The following DOCK2 variants were observed in gnomAD, a reference collection of about 807,000 sequenced individuals.
DOCK2 encodes dedicator of cytokinesis protein 2.
DOCK2 carries 87 observed loss-of-function variants against 248.9 expected under a neutral mutation model. The ratio of observed to expected loss-of-function variants is 0.35; its 90% CI spans 0.29 to 0.42. The LOEUF (loss-of-function observed/expected upper bound fraction) is 0.42. Ranked by LOEUF, DOCK2 falls within the 10% of genes least tolerant of loss-of-function variation. The probability of loss-of-function intolerance (pLI) is 1.00; values close to 1 mark genes in which losing one functional copy is unlikely to be tolerated. For synonymous variants in DOCK2, 805 were observed against 821.6 expected (o/e 0.98, Z 0.35); for missense variants, 1,747 against 2,300.2 (o/e 0.76, Z 4.92).
chr5:169,895,485 T>A (rs899945435), intron 27 of DOCK2, among the ~76,000 whole-genome samples: 4 of 152,026 alleles, frequency 2.6e-5, no homozygotes, highest in Non-Finnish European at 5.9e-5. Context: ...CTGAGTCTTC[T>A]CCCCTGCCCC....
intron 9 of DOCK2, among the ~76,000 whole-genome samples, chr5:169,693,537 G>C (rs1581045744): frequency 6.6e-6 from 1 of 152,184 alleles, no homozygotes; most frequent in East Asian, 1.9e-4. Context: ...GAGATTTCAG[G>C]ATGGTTTGGA....
intron 27 of DOCK2, among the ~76,000 whole-genome samples, chr5:169,966,170 A>G (rs1194798818): frequency 6.6e-6 from 1 of 152,242 alleles, no homozygotes; most frequent in East Asian, 1.9e-4. Flanking sequence ...TAGGAGCATA[A>G]TTGGTGGCTT....
chr5:169,647,426 C>A (rs555035039), intron 1 of DOCK2, among the ~76,000 whole-genome samples: 3 of 152,114 alleles, frequency 2.0e-5, no homozygotes, highest in African/African-American at 4.8e-5. Flanking sequence ...TTTCTGGTGG[C>A]CTTATAGGAT....
At chr5:169,897,714 G>C (rs760753076) in intron 27 of DOCK2, among the ~76,000 whole-genome samples, 1 of 152,182 alleles carries the variant, frequency 6.6e-6, no homozygotes, top group Non-Finnish European at 1.5e-5. Context: ...GACGGGGTGA[G>C]CTCCCTGTCC....
At chr5:169,804,166 T>C (rs1052465133) in intron 26 of DOCK2, among the ~76,000 whole-genome samples, 1 of 152,180 alleles carries the variant, frequency 6.6e-6, no homozygotes, top group Non-Finnish European at 1.5e-5. Context: ...TGCAGAGCAA[T>C]GTTCCTTTAC....
At chr5:169,932,065 G>A (rs1451727463) in intron 27 of DOCK2, among the ~76,000 whole-genome samples, 1 of 152,224 alleles carries the variant, frequency 6.6e-6, no homozygotes, top group Non-Finnish European at 1.5e-5. Context: ...GTTAGGCACA[G>A]ATGCAGTAAA....
chr5:169,830,292 G>A (rs1769136906), intron 26 of DOCK2, among the ~76,000 whole-genome samples: 1 of 152,124 alleles, frequency 6.6e-6, no homozygotes. Flanking sequence ...ATAATGGCTG[G>A]CATATATTAA....
At chr5:170,028,838 T>A (rs1227048460) in intron 34 of DOCK2, among the ~76,000 whole-genome samples, 1 of 152,144 alleles carries the variant, frequency 6.6e-6, no homozygotes, top group East Asian at 1.9e-4. Flanking sequence ...CTGCATTTTG[T>A]CTTGCCTATA....
intron 27 of DOCK2, among the ~76,000 whole-genome samples, chr5:169,906,594 A>C (rs1019884110): frequency 6.6e-6 from 1 of 152,214 alleles, no homozygotes; most frequent in East Asian, 1.9e-4. Flanking sequence ...AGCCTCCCAA[A>C]GTGCTGGGGT....
intron 27 of DOCK2, chr5:169,883,359 A>G (rs2113509898): frequency 6.4e-7 from 1 of 1,551,644 alleles, no homozygotes; most frequent in Non-Finnish European, 8.7e-7. Context: ...TAACAGGACC[A>G]TTGCTTTGCA....
intron 32 of DOCK2, among the ~76,000 whole-genome samples, chr5:170,014,850 A>G (rs1160680353): frequency 6.6e-6 from 1 of 152,172 alleles, no homozygotes; most frequent in African/African-American, 2.4e-5. Context: ...GAGAGCAAGG[A>G]AAGTCATAGG....
rs1490996564 is a variant in DOCK2, at chr5:169,717,472, C to T, written c.2120C>T (p.Thr707Ile). Residue 707 changes from threonine (T) to isoleucine (I), a missense_variant, in exon 21 of 52, where the codon ACC (threonine) becomes ATC (isoleucine). Physicochemically the swap from Thr to Ile is moderately conservative, Grantham distance 89. Transcript: ENST00000520908. ...TACATCCAACAGCATTTCAGTGCGA[C>T]CTTGGCTTACAAGTAAGTAATTGTG... ...EAYIQQHFSA[T>I]LAYKKLMTVL... 1 of 1,613,828 alleles carries T rather than the reference C, an allele frequency of 6.2e-7. No homozygotes were observed. Among genetic ancestry groups the T allele is most frequent in the Admixed American group, 1.7e-5 (1 of 60,016 alleles).
intron 22 of DOCK2, among the ~76,000 whole-genome samples, chr5:169,739,290 G>A (rs1383977425): frequency 6.6e-6 from 1 of 152,140 alleles, no homozygotes; most frequent in Non-Finnish European, 1.5e-5. Flanking sequence ...TGAAAAATCA[G>A]CATCTTGATT....
chr5:169,750,876 G>A (rs553695665), intron 23 of DOCK2, among the ~76,000 whole-genome samples: 3 of 152,250 alleles, frequency 2.0e-5, no homozygotes, highest in Non-Finnish European at 4.4e-5. Context: ...GAGGTGTCAA[G>A]CCCATGTGAT....
chr5:169,660,700 G>T (rs1203011425), intron 2 of DOCK2, among the ~76,000 whole-genome samples: 11 of 152,164 alleles, frequency 7.2e-5, no homozygotes, highest in African/African-American at 2.7e-4. Context: ...TAATATAAGT[G>T]AGGACATTAT....
At chr5:169,700,295 C>G (rs1316028857) in intron 13 of DOCK2, among the ~76,000 whole-genome samples, 156 bp downstream of exon 13, 2 of 152,206 alleles carry the variant, frequency 1.3e-5, no homozygotes, top group Non-Finnish European at 2.9e-5. Context: ...GTCTGTATAT[C>G]CAAAAACTTC....
In DOCK2 at chr5:169,716,282, A is replaced by G. The variant is rs772582340; in HGVS notation, c.2011A>G (p.Ile671Val). The G allele has an allele frequency of 6.2e-7, 1 of 1,613,670 alleles. No homozygotes were observed. Among genetic ancestry groups the G allele is most frequent in the Non-Finnish European group, 8.5e-7 (1 of 1,179,656 alleles). ...GCATTCTCAAAGTGATGAATATGAC[A>G]TCCTCGTCTTTGATGCCTTGGTAAG... Reference protein sequence around the residue: ...MEHSQSDEYDILVFDALIYII... With the variant: ...MEHSQSDEYDVLVFDALIYII... The change falls in exon 20 of 52, where the codon ATC becomes GTC. Residue 671 changes from isoleucine (I) to valine (V), a missense_variant. Physicochemically the swap from Ile to Val is conservative, Grantham distance 29. Transcript: ENST00000520908.
intron 26 of DOCK2, among the ~76,000 whole-genome samples, chr5:169,815,046 G>A (rs1319185787): frequency 6.6e-6 from 1 of 152,232 alleles, no homozygotes; most frequent in Non-Finnish European, 1.5e-5. Flanking sequence ...GTGGAACATG[G>A]AGGAGCATAG....
At chr5:169,975,498 A>G (rs1238987143) in intron 27 of DOCK2, among the ~76,000 whole-genome samples, 1 of 152,088 alleles carries the variant, frequency 6.6e-6, no homozygotes, top group African/African-American at 2.4e-5. Context: ...CCTCAGTCAT[A>G]CCTTTCCACC....
Sources: allele counts gnomAD v4.1 joint callset (sites outside exome capture counted in the v4.1 genomes callset), GRCh38; gene constraint gnomAD v4.1.1; transcripts MANE v1.5; gene names NCBI Gene and HGNC (gene_info 2026-07-23, HGNC 2026-07-21).